The following TBCD variants were observed in gnomAD, a reference collection of about 807,000 sequenced individuals.
The protein encoded by TBCD is tubulin-specific chaperone D.
TBCD carries 105 observed loss-of-function variants against 169.3 expected under a neutral mutation model. The observed-to-expected ratio is 0.62, with a 90% CI of 0.53 to 0.73. The LOEUF (loss-of-function observed/expected upper bound fraction) is 0.73. Ranked by LOEUF, TBCD falls within the 30% of genes least tolerant of loss-of-function variation. The probability of loss-of-function intolerance (pLI) is 0.00; values close to 1 mark genes in which losing one functional copy is unlikely to be tolerated. For synonymous variants in TBCD, 700 were observed against 643.9 expected, an observed-to-expected ratio of 1.09 and a Z score of -1.32; for missense variants, 1,444 against 1,600.1, an observed-to-expected ratio of 0.90 and a Z score of 1.66.
chr17:82,870,077 G>A lies in TBCD; in HGVS notation c.1319-147G>A, dbSNP rs532561893. On this transcript the variant is annotated intron_variant, in intron 13 of 38. Coordinates refer to ENST00000355528, the MANE Select transcript of TBCD (RefSeq NM_005993.5). Reference sequence around the variant, plus strand: ...AGGCCGTGGGTCTAACAGGAGCCCCGAACCTCTGGGTGGGCTCCGTGTCGC... The same window carrying A: ...AGGCCGTGGGTCTAACAGGAGCCCCAAACCTCTGGGTGGGCTCCGTGTCGC... 148 of 1,043,070 alleles carry A rather than the reference G, an allele frequency of 1.4e-4. No homozygotes were observed. In the East Asian group the frequency reaches 3.6e-3, roughly 25 times the overall value. The allele number at this position is 1,043,070 out of a possible 1,614,324, so 64.6% of individuals were successfully genotyped here.
intron 15 of TBCD, chr17:82,885,084 A>T (rs2058631010): frequency 6.6e-6 from 1 of 152,332 alleles, no homozygotes; most frequent in African/African-American, 2.4e-5. Flanking sequence ...GAACCTGTTG[A>T]GGGAGCCGTT....
At position 82,810,436 on chromosome 17, in the gene TBCD, C is replaced by T. The variant is rs189528307; in HGVS notation, c.1223+654C>T. 4.3e-3 allele frequency among the ~76,000 whole-genome samples: 650 copies of T among 152,296 alleles called. 15 individuals carry two copies. Among genetic ancestry groups the T allele is most frequent in the East Asian group, 6.7e-3 (35 of 5,186 alleles). ...CCAGACTGGGCAACAGAGTGAGACC[C>T]GGTCTCAGAACAAAACTGAGTGTAG... On this transcript the variant is annotated intron_variant, in intron 12 of 38. Coordinates refer to ENST00000355528, the MANE Select transcript of TBCD (RefSeq NM_005993.5).
At chr17:82,933,271 G>GCCTTTTTT (rs1307513773) in intron 34 of TBCD, among the ~76,000 whole-genome samples, 2 of 81,604 alleles carry the variant, frequency 2.5e-5, no homozygotes. Context: ...TGTTGGGCCA[G>GCCTTTTTT]TCTTTTTTTT....
At chr17:82,935,322 A>G (rs1371283190) in intron 34 of TBCD, among the ~76,000 whole-genome samples, 1 of 152,050 alleles carries the variant, frequency 6.6e-6, no homozygotes, top group African/African-American at 2.4e-5. Context: ...ATCTTCATAC[A>G]TGTATGTTTT....
At chr17:82,791,823 C>T (rs1443943057) in intron 7 of TBCD, among the ~76,000 whole-genome samples, 5 of 152,148 alleles carry the variant, frequency 3.3e-5, no homozygotes, top group East Asian at 1.9e-4. Flanking sequence ...AACACCGTAG[C>T]GTGCACTTAA....
chr17:82,758,400 A>AAAAAAAAAAAAAAAAT lies in TBCD; in HGVS notation c.235+2188_235+2189insAAAAAAAAAAAATAAA, dbSNP rs1035939621. On this transcript the variant is annotated intron_variant, in intron 2 of 38. Transcript: ENST00000355528. ...AACGTCTCGGAAAAAAAAAAAAAAA[A>AAAAAAAAAAAAAAAAT]AAATAAATAAATAAATAAATTTTTT... Among the ~76,000 whole-genome samples the AAAAAAAAAAAAAAAAT allele has an allele frequency of 1.2e-3, 118 of 99,996 alleles. 2 individuals are homozygous for AAAAAAAAAAAAAAAAT. Among genetic ancestry groups the AAAAAAAAAAAAAAAAT allele is most frequent in the East Asian group, 1.9e-3 (6 of 3,196 alleles). The allele number at this position is 99,996 out of a possible 152,430, so 65.6% of individuals were successfully genotyped here.
At chr17:82,882,764 G>A (rs181417485) in intron 14 of TBCD, among the ~76,000 whole-genome samples, 2 of 152,170 alleles carry the variant, frequency 1.3e-5, no homozygotes, top group Non-Finnish European at 2.9e-5. Context: ...AAACCGGAGA[G>A]CAAGGCCAGT....
At chr17:82,848,000 C>T (rs981635812) in intron 13 of TBCD, among the ~76,000 whole-genome samples, 3 of 152,188 alleles carry the variant, frequency 2.0e-5, no homozygotes, top group Non-Finnish European at 4.4e-5. Context: ...AGCAAACGGC[C>T]CCTGTCTGTT....
chr17:82,850,064 TG>T lies in TBCD; in HGVS notation c.1319-20159del, dbSNP rs1365807601. ...TTGGCTGTGCTGTTGTTGGCTGTGC[TG>T]CTGTTGGCTGTGCTGTGCTGCTGTT... On this transcript the variant is annotated intron_variant, in intron 13 of 38. Coordinates refer to ENST00000355528, the MANE Select transcript of TBCD (RefSeq NM_005993.5). Among the ~76,000 whole-genome samples, 106 of 94,140 alleles carry T rather than the reference TG, an allele frequency of 1.1e-3. 4 individuals carry two copies. The highest frequency in any genetic ancestry group is 1.5e-3 in the African/African-American group (35 of 22,594). The allele number at this position is 94,140 out of a possible 152,430, so 61.8% of individuals were successfully genotyped here.
chr17:82,912,648 G>A (rs921642246), intron 23 of TBCD, among the ~76,000 whole-genome samples: 1 of 152,030 alleles, frequency 6.6e-6, no homozygotes, highest in African/African-American at 2.4e-5. Flanking sequence ...TTTTGCTGAG[G>A]TCTGCGTGGT....
chr17:82,809,651 A>T, intron 11 of TBCD, 57 bp from the exon 12 acceptor site: 1 of 1,570,838 alleles, frequency 6.4e-7, no homozygotes, highest in Non-Finnish European at 8.7e-7. Flanking sequence ...CGTGTCACGC[A>T]TGCCCTTGGC....
rs748211733 is a variant in TBCD at position 82,900,631 on chromosome 17, C to T, written c.1650-20C>T. ...CTCGTTCTTCCGCGTCTCACCACCT[C>T]TCCATGCTGTCTTTTCCAGTGTGTT... On this transcript the variant is annotated intron_variant, in intron 17 of 38. Transcript: ENST00000355528. 9 of 1,609,680 alleles carry T rather than the reference C, an allele frequency of 5.6e-6. No individual in the cohort carries two copies. The African/African-American group carries it at 1.2e-4, about 22-fold the overall frequency.
intron 23 of TBCD, chr17:82,913,084 T>A (rs1308907173): frequency 6.6e-6 from 1 of 152,262 alleles, no homozygotes; most frequent in Non-Finnish European, 1.5e-5. Context: ...TACCCATGGG[T>A]GCCCGGAGTT....
At chr17:82,929,754 G>T in intron 32 of TBCD, 1 of 611,236 alleles carries the variant, frequency 1.6e-6, no homozygotes, top group Non-Finnish European at 2.9e-6. Flanking sequence ...CGCAGCCTTG[G>T]AGCTCCCAGC....
intron 8 of TBCD, among the ~76,000 whole-genome samples, chr17:82,799,864 T>C (rs1334730265): frequency 1.3e-5 from 2 of 152,206 alleles, no homozygotes; most frequent in African/African-American, 4.8e-5. Flanking sequence ...TCAGATGCTC[T>C]TTCAGCTGAC....
chr17:82,941,271 G>A (rs897062737), intron 37 of TBCD, 128 bp from the exon 38 acceptor site: 1 of 727,914 alleles, frequency 1.4e-6, no homozygotes, highest in African/African-American at 1.8e-5. Flanking sequence ...CCTCAGCCTG[G>A]CTATGGATGT....
In TBCD at chr17:82,938,220, T is replaced by C. The variant is rs1394052530; in HGVS notation, c.3369+84T>C. 3.5e-6 allele frequency: 5 copies of C among 1,434,382 alleles called. No homozygotes were observed. In the South Asian group the frequency reaches 3.7e-5, roughly 10 times the overall value. 88.9% of individuals were successfully genotyped at this position (1,434,382 alleles called of 1,614,324 possible). The stretch of plus-strand genomic sequence containing the variant: ...AAGAAGGCCTTCGCTGGCACTGTTG[T>C]GTTGGTGTGCTTTCCAGCCGAGCCC... On this transcript the variant is annotated intron_variant, in intron 36 of 38. Transcript: ENST00000355528.
Position 82,945,069 on chromosome 17 carries a change from G to A in TBCD, c.*2606G>A, listed in dbSNP as rs1159519459. 1 of 152,134 alleles carries A rather than the reference G, an allele frequency of 6.6e-6. No homozygotes were observed. The highest frequency in any genetic ancestry group is 2.4e-5 in the African/African-American group (1 of 41,420). 9.4% of individuals were successfully genotyped at this position (152,134 alleles called of 1,614,324 possible). A position where few individuals can be genotyped will look rare whatever the true frequency, so the allele number is the denominator to read the frequency against. The stretch of plus-strand genomic sequence containing the variant: ...GAAGATGCAAATACAAAACCTCTCT[G>A]GTAGAATGTAGGCTATAATATGAGT... On this transcript the variant is annotated 3_prime_UTR_variant, in exon 39 of 39. Transcript: ENST00000355528.
At chr17:82,828,695 C>T (rs1377450598) in intron 13 of TBCD, among the ~76,000 whole-genome samples, 1 of 151,510 alleles carries the variant, frequency 6.6e-6, no homozygotes, top group Non-Finnish European at 1.5e-5. Flanking sequence ...AGTGTGCACA[C>T]ACCCATACAT....
Sources: allele counts gnomAD v4.1 joint callset (sites outside exome capture counted in the v4.1 genomes callset), GRCh38; gene constraint gnomAD v4.1.1; transcripts MANE v1.5; gene names NCBI Gene and HGNC (gene_info 2026-07-23, HGNC 2026-07-21).